Variants in MEGF6 observed in about 807,000 individuals in gnomAD.
The protein encoded by MEGF6 is multiple epidermal growth factor-like domains protein 6.
Under a neutral mutation model 207.1 loss-of-function variants are expected in MEGF6, and 184 were observed. The ratio of observed to expected loss-of-function variants is 0.89; its 90% CI spans 0.79 to 1.00. MEGF6 has a LOEUF of 1.00. Ranked by LOEUF, MEGF6 falls within the 50% of genes least tolerant of loss-of-function variation. MEGF6 has a pLI of 0.00. For missense variants in MEGF6, 2,282 were observed against 2,202.9 expected (o/e 1.04, Z -0.72); for synonymous variants, 1,038 against 910.0 (o/e 1.14, Z -2.53).
intron 4 of MEGF6, among the ~76,000 whole-genome samples, chr1:3,575,172 G>A (rs572416593): frequency 2.0e-5 from 3 of 152,234 alleles, no homozygotes; most frequent in Non-Finnish European, 4.4e-5. Context: ...CAGGTCACCA[G>A]TGGGTGTTGG....
At chr1:3,566,994 T>G (rs115528446) in intron 4 of MEGF6, among the ~76,000 whole-genome samples, 1,731 of 152,302 alleles carry the variant, frequency 0.011, 32 homozygotes, top group African/African-American at 0.039. Flanking sequence ...AACTGAGGCA[T>G]AGTGAGGCCG....
In MEGF6 at chr1:3,509,143, T is replaced by C; in HGVS notation, c.1460A>G (p.Asp487Gly). The change falls in exon 12 of 37, where the codon GAT (aspartate) becomes GGT (glycine). Residue 487 changes from aspartate to glycine, a missense_variant. Asp to Gly is a moderately conservative substitution (Grantham distance 94). Coordinates refer to ENST00000356575, the MANE Select transcript of MEGF6 (RefSeq NM_001409.4). ...TTCCTCATCGGCCCCGACGTCGTCA[T>C]CCTGGAAGAGTTGCGGCAGCTCGTC... is the stretch of plus-strand genomic sequence containing the variant. ...LQDELPQLFQ[D>G]DDVGADEEEA... The C allele has an allele frequency of 6.3e-7, 1 of 1,595,906 alleles. No individual in the cohort carries two copies. The highest frequency in any genetic ancestry group is 8.5e-7 in the Non-Finnish European group (1 of 1,171,964).
chr1:3,588,727 C>T (rs535063682), intron 3 of MEGF6, among the ~76,000 whole-genome samples: 1 of 152,014 alleles, frequency 6.6e-6, no homozygotes, highest in Admixed American at 6.5e-5. Context: ...CAGGGCCGGG[C>T]CCAAGCTCTC....
Position 3,531,026 on chromosome 1 carries a change from C to T in MEGF6, c.482-6780G>A, listed in dbSNP as rs574744848. 1,483 of 1,434,790 alleles carry T rather than the reference C, an allele frequency of 1.0e-3. 16 individuals carry two copies. In the African/African-American group the frequency reaches 0.021, roughly 20 times the overall value. The allele number at this position is 1,434,790 out of a possible 1,614,324, so 88.9% of individuals were successfully genotyped here. The stretch of plus-strand genomic sequence containing the variant: ...TTAAAAACAGGAAACAAAGGGAGCG[C>T]GCCGGGGAGCGCCCTGGCCCCGCCC... On this transcript the variant is annotated intron_variant, in intron 4 of 36. Transcript: ENST00000356575.
Position 3,499,198 on chromosome 1 carries a change from C to A in MEGF6, c.3034G>T (p.Asp1012Tyr), listed in dbSNP as rs776585422. Residue 1012 changes from aspartate to tyrosine, a missense_variant, in exon 24 of 37, where the codon GAC (aspartate) becomes TAC (tyrosine). Asp to Tyr is a radical substitution (Grantham distance 160). Transcript: ENST00000356575. ...ACACFNGASCDPVHGQCHCAP... is the reference protein window; with the variant it reads ...ACACFNGASCYPVHGQCHCAP... ...CAGTGGCACTGCCCGTGGACAGGGT[C>A]ACAGGAGGCCCCGTTAAAGCAGGCA... 2 of 1,604,304 alleles carry A rather than the reference C, an allele frequency of 1.2e-6. No individual in the cohort carries two copies. Among genetic ancestry groups the A allele is most frequent in the South Asian group, 2.2e-5 (2 of 89,202 alleles).
At chr1:3,603,432 G>C (rs560790697) in intron 1 of MEGF6, among the ~76,000 whole-genome samples, 2 of 152,082 alleles carry the variant, frequency 1.3e-5, no homozygotes, top group Non-Finnish European at 2.9e-5. Flanking sequence ...AGGCAAATTC[G>C]GGGGGAGAGG....
rs1640271973 is a variant in MEGF6, at chr1:3,489,640, A to G, written c.*888T>C. ...GGTGAGCCCAAGGGAGTTCGGCCTC[A>G]GTCCAGGTTGCCCCTCCACACCAGC... On this transcript the variant is annotated 3_prime_UTR_variant, in exon 37 of 37. Coordinates refer to ENST00000356575, the MANE Select transcript of MEGF6 (RefSeq NM_001409.4). Among the ~76,000 whole-genome samples, 1 of 152,150 alleles carries G rather than the reference A, an allele frequency of 6.6e-6. No homozygotes were observed. Among genetic ancestry groups the G allele is most frequent in the Admixed American group, 6.5e-5 (1 of 15,272 alleles).
chr1:3,577,365 C>T (rs927513502), intron 4 of MEGF6, among the ~76,000 whole-genome samples: 1 of 152,256 alleles, frequency 6.6e-6, no homozygotes, highest in Non-Finnish European at 1.5e-5. Flanking sequence ...GGGACCAAGG[C>T]TTGTCCCTGC....
Position 3,595,345 on chromosome 1 carries a change from G to A in MEGF6, c.369C>T (p.Cys123=), listed in dbSNP as rs751695740. 8.1e-6 allele frequency: 13 copies of A among 1,611,462 alleles called. No homozygotes were observed. In the East Asian group the frequency reaches 2.9e-4, roughly 36 times the overall value. Residue 123 remains cysteine (C), a synonymous_variant, in exon 3 of 37, where the codon TGC becomes TGT. Coordinates refer to ENST00000356575, the MANE Select transcript of MEGF6 (RefSeq NM_001409.4). ...GGCGCAGGCGGCACTCACCCGAGAG[G>A]CAGCCCTCCTCGTCGGGCTGCTGCA... ...GWMQQPDEEG[C]LSAECSASLC...
At chr1:3,539,718 G>T (rs1446073442) in intron 4 of MEGF6, among the ~76,000 whole-genome samples, 1 of 152,174 alleles carries the variant, frequency 6.6e-6, no homozygotes, top group Non-Finnish European at 1.5e-5. Context: ...CAGCCCAGGA[G>T]GCCCTTGGCT....
intron 4 of MEGF6, among the ~76,000 whole-genome samples, chr1:3,536,263 C>T (rs990713765): frequency 6.6e-6 from 1 of 152,218 alleles, no homozygotes; most frequent in African/African-American, 2.4e-5. Context: ...CTACGACACC[C>T]CTTCATTGGC....
chr1:3,542,378 G>A (rs1557763514), intron 4 of MEGF6, among the ~76,000 whole-genome samples: 1 of 152,240 alleles, frequency 6.6e-6, no homozygotes, highest in African/African-American at 2.4e-5. Context: ...ATGTTCACAG[G>A]ACTGAACTCC....
At chr1:3,563,067 C>T (rs949632130) in intron 4 of MEGF6, among the ~76,000 whole-genome samples, 2 of 152,152 alleles carry the variant, frequency 1.3e-5, no homozygotes, top group Admixed American at 6.5e-5. Context: ...CTTCTTGGTC[C>T]AGTACAAGGG....
At chr1:3,561,044 C>G (rs1208763242) in intron 4 of MEGF6, among the ~76,000 whole-genome samples, 2 of 152,174 alleles carry the variant, frequency 1.3e-5, no homozygotes, top group Admixed American at 1.3e-4. Context: ...GGTTCTCCCC[C>G]AAGTCTGCCC....
At position 3,494,745 on chromosome 1, in the gene MEGF6, G is replaced by C; in HGVS notation, c.3872-4C>G. ...CCAAACCGGTTCTGGGGGCAGCCTGGAGACAGAAGGCAGGTGCTGCCTGGA... is the reference window on the plus strand; with the variant it reads ...CCAAACCGGTTCTGGGGGCAGCCTGCAGACAGAAGGCAGGTGCTGCCTGGA... On this transcript the variant is annotated splice_polypyrimidine_tract_variant and splice_region_variant and intron_variant, in intron 30 of 36. Coordinates refer to ENST00000356575, the MANE Select transcript of MEGF6 (RefSeq NM_001409.4). The C allele has an allele frequency of 6.4e-7, 1 of 1,571,822 alleles. No homozygotes were observed. Among genetic ancestry groups the C allele is most frequent in the Non-Finnish European group, 8.6e-7 (1 of 1,157,844 alleles).
chr1:3,557,707 G>A (rs1376875015), intron 4 of MEGF6, among the ~76,000 whole-genome samples: 1 of 152,258 alleles, frequency 6.6e-6, no homozygotes, highest in East Asian at 1.9e-4. Flanking sequence ...CTGGCAAGGA[G>A]AGACGGGGGG....
intron 4 of MEGF6, among the ~76,000 whole-genome samples, chr1:3,564,910 C>T (rs1310789804): frequency 2.0e-5 from 3 of 152,206 alleles, no homozygotes; most frequent in Admixed American, 2.0e-4. Flanking sequence ...ATTTTCCAGC[C>T]TGTATCCTGA....
chr1:3,539,100 G>A (rs556730950), intron 4 of MEGF6, among the ~76,000 whole-genome samples: 1 of 152,292 alleles, frequency 6.6e-6, no homozygotes, highest in Non-Finnish European at 1.5e-5. Flanking sequence ...GGGGTGAGGG[G>A]TAGAGGATCA....
chr1:3,496,900 T>G lies in MEGF6; in HGVS notation c.3613+88A>C, dbSNP rs1261753982. 3 of 1,526,180 alleles carry G rather than the reference T, an allele frequency of 2.0e-6. No homozygotes were observed. The East Asian group carries it at 7.4e-5, about 38-fold the overall frequency. The allele number at this position is 1,526,180 out of a possible 1,614,324, so 94.5% of individuals were successfully genotyped here. A position where few individuals can be genotyped will look rare whatever the true frequency, so the allele number is the denominator to read the frequency against. On this transcript the variant is annotated intron_variant, in intron 28 of 36. Transcript: ENST00000356575. ...ACCCTCCATCTTCCACCCCCTCAGA[T>G]GAGGGCCTTCCCGGGGACCAGGGGA... is the stretch of plus-strand genomic sequence containing the variant.
Sources: allele counts gnomAD v4.1 joint callset (sites outside exome capture counted in the v4.1 genomes callset), GRCh38; gene constraint gnomAD v4.1.1; transcripts MANE v1.5; gene names NCBI Gene and HGNC (gene_info 2026-07-23, HGNC 2026-07-21).